Variants in COL6A6 observed in about 807,000 individuals in gnomAD.
COL6A6 encodes collagen type VI alpha 6 chain, also known as collagen alpha-6(VI) chain.
In COL6A6, 183 loss-of-function variants were observed where a neutral mutation model predicts 208.6. The observed-to-expected ratio is 0.88, with a 90% CI of 0.78 to 0.99. The LOEUF (loss-of-function observed/expected upper bound fraction) is 0.99. COL6A6 is among the 50% of genes least tolerant of loss of function. The pLI is 0.00. For synonymous variants in COL6A6, 973 were observed against 1,011.8 expected, an observed-to-expected ratio of 0.96 and a Z score of 0.73; for missense variants, 2,816 against 2,815.2, an observed-to-expected ratio of 1.00 and a Z score of -0.01.
At chr3:130,650,860 T>C (rs542727651) in intron 33 of COL6A6, among the ~76,000 whole-genome samples, 1 of 152,218 alleles carries the variant, frequency 6.6e-6, no homozygotes, top group Non-Finnish European at 1.5e-5. Flanking sequence ...GTAGTCAAGA[T>C]GTTACCTTTA....
intron 1 of COL6A6, among the ~76,000 whole-genome samples, chr3:130,536,940 A>G (rs2107731395): frequency 1.3e-5 from 2 of 152,332 alleles, no homozygotes; most frequent in South Asian, 4.1e-4. Context: ...GGAAGTAAAA[A>G]AGGTATTGAC....
chr3:130,578,251 C>G (rs184039813), intron 8 of COL6A6, among the ~76,000 whole-genome samples: 1 of 152,180 alleles, frequency 6.6e-6, no homozygotes, highest in Admixed American at 6.5e-5. Context: ...GGGTAAGAGA[C>G]AACCTCAGGA....
intron 35 of COL6A6, among the ~76,000 whole-genome samples, chr3:130,664,356 T>G (rs1313759397): frequency 1.3e-5 from 2 of 152,188 alleles, no homozygotes; most frequent in Admixed American, 6.5e-5. Context: ...AGGACAAACT[T>G]GCTACTTATG....
At chr3:130,641,960 G>A (rs1448432153) in intron 29 of COL6A6, among the ~76,000 whole-genome samples, 1 of 152,006 alleles carries the variant, frequency 6.6e-6, no homozygotes, top group Admixed American at 6.6e-5. Context: ...AACTAAAATG[G>A]TATTTCTCAA....
chr3:130,655,382 T>TGATG (rs2065760495), intron 33 of COL6A6, among the ~76,000 whole-genome samples: 1 of 152,232 alleles, frequency 6.6e-6, no homozygotes, highest in African/African-American at 2.4e-5. Flanking sequence ...CCAGTCCAGC[T>TGATG]TCTGCCTGAC....
At chr3:130,665,618 A>G (rs774593116) in intron 36 of COL6A6, among the ~76,000 whole-genome samples, 11 of 152,260 alleles carry the variant, frequency 7.2e-5, no homozygotes, top group Admixed American at 2.0e-4. Flanking sequence ...ATAATGAATT[A>G]TAACACTTTG....
intron 2 of COL6A6, among the ~76,000 whole-genome samples, chr3:130,562,288 A>T (rs1040321096): frequency 2.0e-5 from 3 of 152,354 alleles, no homozygotes; most frequent in East Asian, 3.9e-4. Flanking sequence ...GGTTAAGCAA[A>T]GTATTACATT....
intron 23 of COL6A6, among the ~76,000 whole-genome samples, chr3:130,620,589 G>A (rs1286526506): frequency 6.6e-6 from 1 of 152,094 alleles, no homozygotes; most frequent in Non-Finnish European, 1.5e-5. Context: ...ACAATATTGA[G>A]AATTTTCTTT....
At chr3:130,648,233 C>T (rs150733330) in intron 32 of COL6A6, among the ~76,000 whole-genome samples, 6 of 152,314 alleles carry the variant, frequency 3.9e-5, no homozygotes, top group African/African-American at 1.4e-4. Flanking sequence ...AGTAAACTTG[C>T]ATTTGTAACT....
chr3:130,589,434 T>C (rs908087816), intron 12 of COL6A6, among the ~76,000 whole-genome samples: 3 of 152,234 alleles, frequency 2.0e-5, no homozygotes, highest in Non-Finnish European at 4.4e-5. Context: ...TCCAGTATTC[T>C]AGTACTGATG....
rs1265641274 is a variant in COL6A6 at position 130,634,640 on chromosome 3, C to T, written c.5028+15C>T. 18 of 1,597,830 alleles carry T rather than the reference C, an allele frequency of 1.1e-5. No individual in the cohort carries two copies. Among genetic ancestry groups the T allele is most frequent in the Non-Finnish European group, 1.5e-5 (17 of 1,169,154 alleles). ...GTGGACCTAAGGTACCGTGTGCTTC[C>T]TAGTAACTAGAGATCAGTCAGAAAT... On this transcript the variant is annotated intron_variant, in intron 27 of 36. Coordinates refer to ENST00000358511, the MANE Select transcript of COL6A6 (RefSeq NM_001102608.3).
rs149886067 is a variant in COL6A6, at chr3:130,600,440, C to G, written c.4653+630C>G. The stretch of plus-strand genomic sequence containing the variant: ...CGTATGTTTATTGCAGCACTATTTA[C>G]AATAGCAAAGACATGGCACCAACCC... On this transcript the variant is annotated intron_variant, in intron 20 of 36. Transcript: ENST00000358511. Among the ~76,000 whole-genome samples the G allele has an allele frequency of 1.3e-3, 191 of 152,204 alleles. 1 individual carries two copies. The highest frequency in any genetic ancestry group is 4.4e-3 in the African/African-American group (183 of 41,526).
chr3:130,598,396 G>T lies in COL6A6; in HGVS notation c.4565G>T (p.Gly1522Val). The part of the protein sequence containing the change: ...GAPGVDSSIE[G>V]PTGLKGERGR... ...CCTGGAGTTGACAGTAGCATAGAAGGACCCACAGGCTTGAAAGGAGAACGT... is the reference window on the plus strand; with the variant it reads ...CCTGGAGTTGACAGTAGCATAGAAGTACCCACAGGCTTGAAAGGAGAACGT... The change falls in exon 19 of 37, where the codon GGA becomes GTA. Residue 1522 changes from glycine (G) to valine (V), a missense_variant. By Grantham distance (109) the Gly-to-Val change is moderately radical. Transcript: ENST00000358511. 1 of 1,551,956 alleles carries T rather than the reference G, an allele frequency of 6.4e-7. No individual in the cohort carries two copies. The highest frequency in any genetic ancestry group is 8.7e-7 in the Non-Finnish European group (1 of 1,146,764).
intron 20 of COL6A6, among the ~76,000 whole-genome samples, chr3:130,600,806 A>G (rs1250093111): frequency 6.6e-6 from 1 of 152,192 alleles, no homozygotes; most frequent in Non-Finnish European, 1.5e-5. Context: ...TGCAGCAAAC[A>G]TGGCACACAT....
chr3:130,589,051 A>G (rs749849058), intron 11 of COL6A6, 39 bp from the exon 12 acceptor site: 3 of 1,520,690 alleles, frequency 2.0e-6, no homozygotes, highest in East Asian at 4.5e-5. Flanking sequence ...TTGGGAAGCA[A>G]TACCACCAAA....
chr3:130,536,465 T>C (rs1378932086), intron 1 of COL6A6, among the ~76,000 whole-genome samples: 1 of 152,190 alleles, frequency 6.6e-6, no homozygotes, highest in Admixed American at 6.5e-5. Context: ...GAAACAAATA[T>C]TACCACAATA....
rs564011653 is a variant in COL6A6 at position 130,552,622 on chromosome 3, G to A, written c.-31-7712G>A. ...ACTTGCCACTCTCTGCCTTTTAATT[G>A]GGGGCATTTAGCCTGTTTACATTCA... On this transcript the variant is annotated intron_variant, in intron 1 of 36. Transcript: ENST00000358511. Among the ~76,000 whole-genome samples the A allele has an allele frequency of 2.6e-5, 4 of 152,182 alleles. No homozygotes were observed. In the South Asian group the frequency reaches 8.3e-4, roughly 32 times the overall value.
At chr3:130,634,555 G>A in intron 26 of COL6A6, 35 bp from the exon 27 acceptor site, 3 of 1,578,474 alleles carry the variant, frequency 1.9e-6, no homozygotes, top group Non-Finnish European at 2.6e-6. Context: ...TGGGTGATGT[G>A]TGCCTGTATA....
rs762285028 is a variant in COL6A6 at position 130,606,920 on chromosome 3, T to C, written c.4654-11T>C. 1 of 1,604,892 alleles carries C rather than the reference T, an allele frequency of 6.2e-7. No individual in the cohort carries two copies. Among genetic ancestry groups the C allele is most frequent in the Admixed American group, 1.7e-5 (1 of 57,848 alleles). ...CTGAATTAATGATATCCACCTTTTCTTCTATTTTAGGCAGCTCATGGCAGA... is the reference window on the plus strand; with the variant it reads ...CTGAATTAATGATATCCACCTTTTCCTCTATTTTAGGCAGCTCATGGCAGA... On this transcript the variant is annotated splice_polypyrimidine_tract_variant and intron_variant, in intron 20 of 36. Transcript: ENST00000358511.
Sources: allele counts gnomAD v4.1 joint callset (sites outside exome capture counted in the v4.1 genomes callset), GRCh38; gene constraint gnomAD v4.1.1; transcripts MANE v1.5; gene names NCBI Gene and HGNC (gene_info 2026-07-23, HGNC 2026-07-21).